Variants in PON1 observed in about 807,000 individuals in gnomAD.
The protein encoded by PON1 is serum paraoxonase/arylesterase 1.
Under a neutral mutation model 39.2 loss-of-function variants are expected in PON1, and 37 were observed. The observed-to-expected ratio is 0.94, with a 90% CI of 0.73 to 1.24. The LOEUF (loss-of-function observed/expected upper bound fraction) is 1.24. Among genes scored for constraint, PON1 ranks in the 50% most tolerant of loss-of-function variants. The probability of loss-of-function intolerance (pLI) is 0.00; values close to 1 mark genes in which losing one functional copy is unlikely to be tolerated. For synonymous variants in PON1, 148 were observed against 152.2 expected (o/e 0.97, Z 0.21); for missense variants, 397 against 413.5 (o/e 0.96, Z 0.35).
chr7:95,301,462 T>C (rs1019434683), intron 8 of PON1, among the ~76,000 whole-genome samples: 5 of 152,126 alleles, frequency 3.3e-5, no homozygotes, highest in African/African-American at 1.2e-4. Flanking sequence ...CATAGCAGTA[T>C]GGCATCATTA....
At chr7:95,310,652 C>T (rs1807632960) in intron 5 of PON1, among the ~76,000 whole-genome samples, 1 of 152,164 alleles carries the variant, frequency 6.6e-6, no homozygotes, top group South Asian at 2.1e-4. Flanking sequence ...ACAGAGTGCA[C>T]ACTACATACC....
intron 3 of PON1, among the ~76,000 whole-genome samples, chr7:95,316,064 A>G (rs1807761944): frequency 6.6e-6 from 1 of 152,206 alleles, no homozygotes; most frequent in Non-Finnish European, 1.5e-5. Context: ...CTAGTCTATC[A>G]TCTTTGTAAG....
chr7:95,315,776 GA>G (rs1315296021), intron 3 of PON1, among the ~76,000 whole-genome samples: 6 of 152,178 alleles, frequency 3.9e-5, no homozygotes, highest in African/African-American at 1.4e-4. Context: ...ATCAAAAATG[GA>G]AGAGCAGACC....
At chr7:95,321,452 A>T (rs568456392) in intron 1 of PON1, among the ~76,000 whole-genome samples, 8 of 152,314 alleles carry the variant, frequency 5.3e-5, no homozygotes, top group African/African-American at 1.7e-4. Context: ...CTGCTACTAC[A>T]CACGCCTCAT....
At chr7:95,299,224 T>C (rs1162390310) in intron 8 of PON1, 122 bp from the exon 9 acceptor site, 2 of 1,116,242 alleles carry the variant, frequency 1.8e-6, no homozygotes, top group Non-Finnish European at 2.7e-6. Flanking sequence ...AATCCTATTT[T>C]GTTCCAAAAT....
chr7:95,317,702 T>G (rs1459770870), intron 2 of PON1, among the ~76,000 whole-genome samples: 1 of 151,868 alleles, frequency 6.6e-6, no homozygotes, highest in East Asian at 1.9e-4. Context: ...GCCCGGGGAC[T>G]CTCCTTGTTG....
chr7:95,302,218 G>C lies in PON1; in HGVS notation c.896C>G (p.Pro299Arg). The C allele has an allele frequency of 6.2e-7, 1 of 1,612,540 alleles. No individual in the cohort carries two copies. The highest frequency in any genetic ancestry group is 1.1e-5 in the South Asian group (1 of 91,028). The change falls in exon 8 of 9, where the codon CCT becomes CGT. Residue 299 changes from proline (P) to arginine (R), a missense_variant. Coordinates refer to ENST00000222381, the MANE Select transcript of PON1 (RefSeq NM_000446.7). ...MKIFFYDSEN[P>R]PASEVLRIQN... ...TTTAAAACTTACCTCTGATGCAGGA[G>C]GATTCTCTGAGTCATAGAAGAAGAT... is the stretch of plus-strand genomic sequence containing the variant.
At chr7:95,299,299 C>T (rs1807364964) in intron 8 of PON1, among the ~76,000 whole-genome samples, 197 bp from the exon 9 acceptor site, 2 of 152,070 alleles carry the variant, frequency 1.3e-5, no homozygotes, top group Non-Finnish European at 2.9e-5. Flanking sequence ...TGATCTTTAG[C>T]AGAGGTGGAG....
At chr7:95,303,636 A>G (rs1807480102) in intron 7 of PON1, among the ~76,000 whole-genome samples, 1 of 152,170 alleles carries the variant, frequency 6.6e-6, no homozygotes. Context: ...CCAGGTACCC[A>G]GCAGACACAG....
intron 8 of PON1, among the ~76,000 whole-genome samples, chr7:95,299,443 T>G (rs1046753515): frequency 2.6e-5 from 4 of 152,180 alleles, no homozygotes; most frequent in African/African-American, 9.7e-5. Context: ...TAGTTAATAC[T>G]GAGAGTCAAC....
At chr7:95,301,117 A>G (rs1435267405) in intron 8 of PON1, among the ~76,000 whole-genome samples, 3 of 152,114 alleles carry the variant, frequency 2.0e-5, no homozygotes, top group African/African-American at 4.8e-5. Context: ...TATCATATAT[A>G]TGATGTAAGT....
intron 8 of PON1, among the ~76,000 whole-genome samples, chr7:95,300,500 AAGAC>A (rs1350839335): frequency 9.2e-5 from 14 of 152,220 alleles, no homozygotes; most frequent in Non-Finnish European, 1.6e-4. Context: ...GCTGGCACCA[AAGAC>A]AGATGTCTTA....
chr7:95,301,384 G>C (rs1807416793), intron 8 of PON1, among the ~76,000 whole-genome samples: 1 of 152,148 alleles, frequency 6.6e-6, no homozygotes, highest in African/African-American at 2.4e-5. Context: ...CCATTGCATG[G>C]ACCTGTGCGT....
At chr7:95,313,666 G>A (rs1807705203) in intron 4 of PON1, among the ~76,000 whole-genome samples, 1 of 149,106 alleles carries the variant, frequency 6.7e-6, no homozygotes, top group Admixed American at 6.7e-5. Context: ...GTCTCACATG[G>A]GGAAGAGAAG....
chr7:95,306,645 T>C (rs1201705419), intron 6 of PON1, among the ~76,000 whole-genome samples: 3 of 152,178 alleles, frequency 2.0e-5, no homozygotes, highest in Non-Finnish European at 4.4e-5. Flanking sequence ...GGGAGTAAAA[T>C]GCATTACAGC....
intron 1 of PON1, among the ~76,000 whole-genome samples, chr7:95,323,854 G>A (rs1426508941): frequency 6.6e-6 from 1 of 152,138 alleles, no homozygotes; most frequent in South Asian, 2.1e-4. Context: ...CTGGCTCCAG[G>A]GTTCCCTCTT....
intron 1 of PON1, among the ~76,000 whole-genome samples, chr7:95,319,588 G>A (rs901707155): frequency 2.0e-5 from 3 of 152,206 alleles, no homozygotes; most frequent in African/African-American, 7.2e-5. Context: ...GGCTTGGACT[G>A]TGAGGAGACT....
chr7:95,302,253 A>G lies in PON1; in HGVS notation c.861T>C (p.Asn287=). 6.2e-7 allele frequency: 1 copy of G among 1,612,048 alleles called. No homozygotes were observed. Among genetic ancestry groups the G allele is most frequent in the Middle Eastern group, 1.7e-4 (1 of 6,058 alleles). Residue 287 remains asparagine (N), a synonymous_variant, in exon 8 of 9, where the codon AAT becomes AAC. Transcript: ENST00000222381. ...TGDLWVGCHP[N]GMKIFFYDSE... ...AGTCATAGAAGAAGATTTTCATGCCATTGGGATGGCATCCAACCCAAAGGT... is the reference window on the plus strand; with the variant it reads ...AGTCATAGAAGAAGATTTTCATGCCGTTGGGATGGCATCCAACCCAAAGGT...
intron 1 of PON1, among the ~76,000 whole-genome samples, chr7:95,321,793 A>G (rs1807905161): frequency 6.6e-6 from 1 of 152,096 alleles, no homozygotes; most frequent in African/African-American, 2.4e-5. Context: ...CCTACTCATG[A>G]TGCTTTGTAG....
Sources: allele counts gnomAD v4.1 joint callset (sites outside exome capture counted in the v4.1 genomes callset), GRCh38; gene constraint gnomAD v4.1.1; transcripts MANE v1.5; gene names NCBI Gene and HGNC (gene_info 2026-07-23, HGNC 2026-07-21).